The following ZNF385D variants were observed in gnomAD, a reference collection of about 807,000 sequenced individuals.
The protein encoded by ZNF385D is zinc finger protein 385D.
In ZNF385D, 15 loss-of-function variants were observed where a neutral mutation model predicts 35.8. The observed-to-expected ratio is 0.42, with a 90% confidence interval of 0.28 to 0.64. The LOEUF (loss-of-function observed/expected upper bound fraction) is 0.64. Ranked by LOEUF, ZNF385D falls within the 30% of genes least tolerant of loss-of-function variation. ZNF385D has a pLI of 0.23. For missense variants in ZNF385D, 474 were observed against 494.6 expected (o/e 0.96, Z 0.39); for synonymous variants, 212 against 186.8 (o/e 1.13, Z -1.10).
At chr3:21,838,978 A>G (rs1181169675) in intron 3 of ZNF385D, among the ~76,000 whole-genome samples, 10 of 152,126 alleles carry the variant, frequency 6.6e-5, no homozygotes, top group Admixed American at 2.6e-4. Flanking sequence ...TCTATGAAGT[A>G]CTTTCTATTA....
intron 3 of ZNF385D, among the ~76,000 whole-genome samples, chr3:22,084,646 C>T (rs1700932644): frequency 2.0e-5 from 3 of 152,138 alleles, no homozygotes; most frequent in South Asian, 4.1e-4. Flanking sequence ...TTTAACAACC[C>T]ACTGTCAAAA....
intron 3 of ZNF385D, among the ~76,000 whole-genome samples, chr3:22,037,312 G>A (rs1316379729): frequency 6.9e-6 from 1 of 145,852 alleles, no homozygotes; most frequent in Non-Finnish European, 1.5e-5. Flanking sequence ...GGTTGAACTA[G>A]TTTACAGTCC....
chr3:22,034,247 C>T (rs1192708397), intron 3 of ZNF385D, among the ~76,000 whole-genome samples: 1 of 152,106 alleles, frequency 6.6e-6, no homozygotes, highest in Non-Finnish European at 1.5e-5. Flanking sequence ...AGTGATCTTA[C>T]AGGAGTCAAA....
At chr3:21,442,830 T>C (rs1338040525) in intron 4 of ZNF385D, among the ~76,000 whole-genome samples, 2 of 152,038 alleles carry the variant, frequency 1.3e-5, no homozygotes, top group African/African-American at 4.8e-5. Flanking sequence ...CTTATGAGTG[T>C]ATATGTCTAT....
At chr3:21,780,530 C>A (rs2071449013) in intron 3 of ZNF385D, among the ~76,000 whole-genome samples, 1 of 151,996 alleles carries the variant, frequency 6.6e-6, no homozygotes, top group African/African-American at 2.4e-5. Flanking sequence ...AATACATTTT[C>A]TTTCTTAATT....
intron 3 of ZNF385D, among the ~76,000 whole-genome samples, chr3:21,969,324 C>A (rs1257370930): frequency 6.6e-6 from 1 of 152,006 alleles, no homozygotes; most frequent in Non-Finnish European, 1.5e-5. Context: ...GTCATGGGGG[C>A]AGTTTCCCCC....
chr3:21,874,447 C>A (rs1371881283), intron 3 of ZNF385D, among the ~76,000 whole-genome samples: 1 of 152,052 alleles, frequency 6.6e-6, no homozygotes, highest in Non-Finnish European at 1.5e-5. Context: ...TTCTCCCACT[C>A]TGTATTGCCT....
intron 3 of ZNF385D, among the ~76,000 whole-genome samples, chr3:21,898,670 A>G (rs904613702): frequency 6.6e-5 from 10 of 152,182 alleles, no homozygotes; most frequent in African/African-American, 2.4e-4. Context: ...AAAGATTACA[A>G]AAACAATAGG....
chr3:21,857,624 T>C (rs1422206121), intron 3 of ZNF385D, among the ~76,000 whole-genome samples: 2 of 151,714 alleles, frequency 1.3e-5, no homozygotes, highest in Admixed American at 6.6e-5. Flanking sequence ...GAGGAGGAGT[T>C]GCAGCCTCAG....
intron 4 of ZNF385D, among the ~76,000 whole-genome samples, chr3:21,451,738 A>C (rs1216311639): frequency 2.6e-5 from 4 of 152,090 alleles, no homozygotes; most frequent in African/African-American, 7.2e-5. Context: ...TTTTGTATCC[A>C]CTTCTCTGTT....
intron 3 of ZNF385D, among the ~76,000 whole-genome samples, chr3:21,883,771 A>T (rs868582569): frequency 5.9e-5 from 9 of 152,174 alleles, no homozygotes; most frequent in African/African-American, 1.9e-4. Context: ...GAATTTATGT[A>T]TGTGGAAAAT....
At chr3:22,355,490 T>C (rs993196887) in intron 2 of ZNF385D, among the ~76,000 whole-genome samples, 2 of 151,736 alleles carry the variant, frequency 1.3e-5, no homozygotes, top group Non-Finnish European at 2.9e-5. Flanking sequence ...TATACAAAAA[T>C]GAAATGAAGT....
chr3:21,501,052 G>C (rs377421308), intron 4 of ZNF385D, among the ~76,000 whole-genome samples: 2 of 152,112 alleles, frequency 1.3e-5, no homozygotes, highest in Non-Finnish European at 2.9e-5. Flanking sequence ...TAGGGTGGGA[G>C]GGCCAGCTTT....
rs1431141931 is a variant in ZNF385D at position 22,083,750 on chromosome 3, C to T, written c.325+85067G>A. Among the ~76,000 whole-genome samples the T allele has an allele frequency of 2.6e-5, 4 of 152,222 alleles. 2 individuals are homozygous for T. The Middle Eastern group carries it at 0.014, about 518-fold the overall frequency. ...CAGAGAACACCACAAAGATACTCCT[C>T]AAGAAGAGCATCCCTAAGACACATA... On this transcript the variant is annotated intron_variant, in intron 3 of 5. Transcript: ENST00000494108.
chr3:21,513,781 A>G (rs1237254425), intron 3 of ZNF385D, among the ~76,000 whole-genome samples: 1 of 152,122 alleles, frequency 6.6e-6, no homozygotes, highest in Non-Finnish European at 1.5e-5. Flanking sequence ...TGTTTATAGA[A>G]TTTATTGGAC....
chr3:21,821,604 G>T, intron 3 of ZNF385D, among the ~76,000 whole-genome samples: 1 of 152,148 alleles, frequency 6.6e-6, no homozygotes. Flanking sequence ...CTTATGCAAA[G>T]ATATTTGACT....
intron 2 of ZNF385D, among the ~76,000 whole-genome samples, chr3:21,587,131 A>G (rs888215450): frequency 6.6e-6 from 1 of 152,216 alleles, no homozygotes; most frequent in African/African-American, 2.4e-5. Flanking sequence ...GGACACGCAG[A>G]TGAATTGTCC....
At chr3:22,038,641 A>T (rs1212949667) in intron 3 of ZNF385D, among the ~76,000 whole-genome samples, 8 of 152,120 alleles carry the variant, frequency 5.3e-5, no homozygotes, top group Non-Finnish European at 1.5e-5. Flanking sequence ...GTTTGAAAAA[A>T]CTAGTGTAAT....
intron 2 of ZNF385D, among the ~76,000 whole-genome samples, chr3:22,371,217 G>A (rs1696889285): frequency 6.6e-6 from 1 of 152,174 alleles, no homozygotes; most frequent in African/African-American, 2.4e-5. Flanking sequence ...CCAGAGGGAG[G>A]AAGACCTTTC....
Sources: gnomAD v4.1 joint callset for allele counts (sites outside exome capture counted in the v4.1 genomes callset) on GRCh38, gnomAD v4.1.1 for gene constraint, MANE v1.5 for transcripts, NCBI Gene and HGNC (gene_info 2026-07-23, HGNC 2026-07-21) for gene names.